ZNF704: variants seen among roughly 807,000 people sequenced by gnomAD.
ZNF704 encodes the protein zinc finger protein 704.
In ZNF704, 10 loss-of-function variants were observed where a neutral mutation model predicts 44.7. The observed-to-expected ratio is 0.22, with a 90% confidence interval of 0.14 to 0.38. The LOEUF is 0.38. Among genes scored for constraint, ZNF704 ranks in the 10% least tolerant of loss-of-function variants. The pLI, the probability that ZNF704 is intolerant of heterozygous loss-of-function variation, is 1.00. For synonymous variants in ZNF704, 211 were observed against 207.6 expected, an observed-to-expected ratio of 1.02 and a Z score of -0.14; for missense variants, 390 against 545.5, an observed-to-expected ratio of 0.71 and a Z score of 2.84.
chr8:80,841,946 CCTT>C (rs1808687678), intron 1 of ZNF704, among the ~76,000 whole-genome samples: 1 of 152,108 alleles, frequency 6.6e-6, no homozygotes, highest in Non-Finnish European at 1.5e-5. Context: ...TGCCACCACT[CCTT>C]GTTTAGTTTT....
chr8:80,693,117 A>G lies in ZNF704; in HGVS notation c.222-10T>C, dbSNP rs1489258694. The stretch of plus-strand genomic sequence containing the variant: ...TTCCTCTGAAGATTTCCTGTAAAAC[A>G]GGAAGGGACACTGGTGACTGTTCAC... On this transcript the variant is annotated splice_polypyrimidine_tract_variant and intron_variant, in intron 2 of 8. Coordinates refer to ENST00000327835, the MANE Select transcript of ZNF704 (RefSeq NM_001033723.3). The G allele has an allele frequency of 6.2e-7, 1 of 1,611,558 alleles. No individual in the cohort carries two copies. Among genetic ancestry groups the G allele is most frequent in the Non-Finnish European group, 8.5e-7 (1 of 1,177,810 alleles).
At chr8:80,700,293 C>T (rs1423480402) in intron 2 of ZNF704, among the ~76,000 whole-genome samples, 1 of 152,194 alleles carries the variant, frequency 6.6e-6, no homozygotes, top group African/African-American at 2.4e-5. Flanking sequence ...CAGCAGAGTG[C>T]TGAGCTGGAG....
At chr8:80,786,313 C>A (rs1210991928) in intron 2 of ZNF704, among the ~76,000 whole-genome samples, 2 of 152,112 alleles carry the variant, frequency 1.3e-5, no homozygotes, top group African/African-American at 4.8e-5. Context: ...ATGTGAGTTG[C>A]TTAAGTGCTG....
At chr8:80,819,635 T>C (rs1312254596) in intron 2 of ZNF704, among the ~76,000 whole-genome samples, 1 of 150,748 alleles carries the variant, frequency 6.6e-6, no homozygotes, top group Non-Finnish European at 1.5e-5. Context: ...CAAATACAAA[T>C]TGAGATGCCT....
At chr8:80,671,192 A>G (rs769388079) in intron 4 of ZNF704, among the ~76,000 whole-genome samples, 1 of 152,160 alleles carries the variant, frequency 6.6e-6, no homozygotes, top group African/African-American at 2.4e-5. Context: ...CAGCGGCACA[A>G]TCTTGGATCA....
chr8:80,737,792 T>C (rs867534475), intron 2 of ZNF704, among the ~76,000 whole-genome samples: 30 of 152,340 alleles, frequency 2.0e-4, no homozygotes, highest in Middle Eastern at 3.4e-3. Context: ...TTTTTCTTAA[T>C]ATTATCTTAT....
chr8:80,817,310 A>G (rs184131784), intron 2 of ZNF704, among the ~76,000 whole-genome samples: 1 of 152,308 alleles, frequency 6.6e-6, no homozygotes, highest in Non-Finnish European at 1.5e-5. Context: ...GGCCGCTGAA[A>G]CCATCTGCTG....
chr8:80,818,639 A>G (rs1424635606), intron 2 of ZNF704, among the ~76,000 whole-genome samples: 1 of 152,176 alleles, frequency 6.6e-6, no homozygotes. Flanking sequence ...TTTTTTCCAG[A>G]TATTTTCAGT....
intron 1 of ZNF704, among the ~76,000 whole-genome samples, chr8:80,848,343 GATA>G (rs1234891298): frequency 6.6e-6 from 1 of 152,138 alleles, no homozygotes; most frequent in Non-Finnish European, 1.5e-5. Flanking sequence ...CTCCACACAT[GATA>G]ATATCGCACA....
chr8:80,759,602 A>T (rs1807094684), intron 2 of ZNF704, among the ~76,000 whole-genome samples: 1 of 152,182 alleles, frequency 6.6e-6, no homozygotes, highest in Non-Finnish European at 1.5e-5. Context: ...CAAGAGACTG[A>T]GGAGAGGTCT....
chr8:80,663,612 C>T (rs1168224641), intron 6 of ZNF704, among the ~76,000 whole-genome samples: 1 of 152,132 alleles, frequency 6.6e-6, no homozygotes, highest in Non-Finnish European at 1.5e-5. Flanking sequence ...ATTTGGGGAA[C>T]ATTGAGAACG....
chr8:80,855,923 T>C (rs1188804325), intron 1 of ZNF704, among the ~76,000 whole-genome samples: 1 of 152,188 alleles, frequency 6.6e-6, no homozygotes, highest in Non-Finnish European at 1.5e-5. Flanking sequence ...AAAGAAATGC[T>C]CTCTCATTTG....
At chr8:80,653,367 G>GGAAGTCAAATTGCCCCTGTTTGCA (rs1458003596) in intron 7 of ZNF704, among the ~76,000 whole-genome samples, 3 of 152,268 alleles carry the variant, frequency 2.0e-5, no homozygotes, top group Admixed American at 6.5e-5. Context: ...TAGGAAAAGA[G>GGAAGTCAAATTGCCCCTGTTTGCA]GAAGTCAAAT....
chr8:80,753,026 C>T (rs1806974057), intron 2 of ZNF704, among the ~76,000 whole-genome samples: 2 of 152,158 alleles, frequency 1.3e-5, no homozygotes, highest in South Asian at 2.1e-4. Flanking sequence ...CAAGCAAACA[C>T]AAGGCAAAGC....
intron 2 of ZNF704, among the ~76,000 whole-genome samples, chr8:80,741,725 G>T (rs973549431): frequency 6.6e-6 from 1 of 152,296 alleles, no homozygotes; most frequent in East Asian, 1.9e-4. Flanking sequence ...ACAGGTGATT[G>T]CTCAAACCTA....
intron 4 of ZNF704, among the ~76,000 whole-genome samples, chr8:80,680,801 G>A (rs73691999): frequency 0.1 from 15,554 of 152,106 alleles, 2,699 homozygotes; most frequent in African/African-American, 0.35. Context: ...TGAGAGTAGA[G>A]ATTTTGGATC....
intron 2 of ZNF704, among the ~76,000 whole-genome samples, chr8:80,696,127 G>A (rs1449714938): frequency 6.6e-6 from 1 of 152,176 alleles, no homozygotes; most frequent in Non-Finnish European, 1.5e-5. Flanking sequence ...ATACAAAGTA[G>A]AATTTGTTAC....
rs370263550 is a variant in ZNF704, at chr8:80,873,385, CCCCGCGCGGCCG to C, written c.-22+1174_-22+1185del. ...GGCAAATCAACAGTTCCTCGCGCTG[CCCCGCGCGGCCG>C]CCCGCGCCGCCTGACACACCCCTCC... is the stretch of plus-strand genomic sequence containing the variant. On this transcript the variant is annotated intron_variant, in intron 1 of 8. Transcript: ENST00000327835. Among the ~76,000 whole-genome samples, 479 of 152,158 alleles carry C rather than the reference CCCCGCGCGGCCG, an allele frequency of 3.1e-3. 1 individual carries two copies. The highest frequency in any genetic ancestry group is 0.011 in the African/African-American group (459 of 41,538).
intron 1 of ZNF704, among the ~76,000 whole-genome samples, chr8:80,844,153 A>G (rs1035251612): frequency 5.9e-5 from 9 of 152,072 alleles, no homozygotes; most frequent in African/African-American, 2.2e-4. Flanking sequence ...CACACAAGAG[A>G]GGAGAAAAAT....
Sources: gnomAD v4.1 joint callset for allele counts (sites outside exome capture counted in the v4.1 genomes callset) on GRCh38, gnomAD v4.1.1 for gene constraint, MANE v1.5 for transcripts, NCBI Gene and HGNC (gene_info 2026-07-23, HGNC 2026-07-21) for gene names.